The following GPD2 variants were observed in gnomAD, a reference collection of about 807,000 sequenced individuals.
GPD2 encodes glycerol-3-phosphate dehydrogenase, mitochondrial.
GPD2 carries 54 observed loss-of-function variants against 82.4 expected under a neutral mutation model. That is an observed-to-expected ratio of 0.66 (90% CI 0.53 to 0.82). The LOEUF (loss-of-function observed/expected upper bound fraction) is 0.82. Among genes scored for constraint, GPD2 ranks in the 40% least tolerant of loss-of-function variants. The pLI is 0.00. For missense variants in GPD2, 748 were observed against 896.2 expected, an observed-to-expected ratio of 0.83 and a Z score of 2.11; for synonymous variants, 288 against 306.1, an observed-to-expected ratio of 0.94 and a Z score of 0.62.
At chr2:156,530,068 T>C (rs952970453) in intron 6 of GPD2, among the ~76,000 whole-genome samples, 4 of 149,762 alleles carry the variant, frequency 2.7e-5, no homozygotes, top group Middle Eastern at 6.9e-3. Flanking sequence ...TTCCTACCCA[T>C]GAGCATGGAA....
intron 1 of GPD2, among the ~76,000 whole-genome samples, chr2:156,450,665 C>CTTTTTT (rs776070659): frequency 1.4e-5 from 1 of 71,676 alleles, no homozygotes; most frequent in Non-Finnish European, 2.6e-5. Context: ...ATAGACAACT[C>CTTTTTT]TTTTTTTTTT....
At chr2:156,434,950 C>G (rs1558896156), upstream of GPD2, among the ~76,000 whole-genome samples, 1 of 152,184 alleles carries the variant, frequency 6.6e-6, no homozygotes, top group East Asian at 1.9e-4. Flanking sequence ...GCAGATCCCA[C>G]GTCCAGACTG....
chr2:156,451,630 C>G (rs1682590021), intron 1 of GPD2, among the ~76,000 whole-genome samples: 1 of 143,638 alleles, frequency 7.0e-6, no homozygotes, highest in South Asian at 2.2e-4. Context: ...CCTCACTTCC[C>G]AGTAGGGGCG....
At chr2:156,578,662 A>G (rs1687910684) in intron 13 of GPD2, among the ~76,000 whole-genome samples, 1 of 152,212 alleles carries the variant, frequency 6.6e-6, no homozygotes, top group South Asian at 2.1e-4. Flanking sequence ...GCAAATGGAC[A>G]TGAGGAAAGT....
At chr2:156,570,678 T>G (rs1296729072) in intron 12 of GPD2, among the ~76,000 whole-genome samples, 3 of 152,156 alleles carry the variant, frequency 2.0e-5, no homozygotes, top group Admixed American at 1.3e-4. Flanking sequence ...CAGTGAACAT[T>G]TACTTGTTGA....
intron 3 of GPD2, among the ~76,000 whole-genome samples, chr2:156,504,393 T>TAA (rs989613896): frequency 6.8e-6 from 1 of 146,828 alleles, no homozygotes; most frequent in Non-Finnish European, 1.5e-5. Context: ...AACTCACCTT[T>TAA]AAAAAAAAAA....
chr2:156,408,843 A>G, the GPD2 span, among the ~76,000 whole-genome samples: 1 of 152,136 alleles, frequency 6.6e-6, no homozygotes, highest in Non-Finnish European at 1.5e-5. Context: ...TTGCCCAAAA[A>G]TGTGCATGTT....
At position 156,512,230 on chromosome 2, in the gene GPD2, T is replaced by G; in HGVS notation, c.410T>G (p.Val137Gly). Residue 137 changes from valine to glycine, a missense_variant, in exon 5 of 17, where the codon GTA (valine) becomes GGA (glycine). This residue lies in a region of GPD2 where 692 missense variants were observed against 809.7 expected (regional missense o/e 0.85). Transcript: ENST00000438166. ...TGTTTTGCCTTTCAGTATAGGATGGTAAAAGAAGCCCTTCATGAGCGTGCC... is the reference window on the plus strand; with the variant it reads ...TGTTTTGCCTTTCAGTATAGGATGGGAAAAGAAGCCCTTCATGAGCGTGCC... ...MKLDIEQYRM[V>G]KEALHERANL... 6.4e-7 allele frequency: 1 copy of G among 1,568,962 alleles called. No homozygotes were observed. The highest frequency in any genetic ancestry group is 8.8e-7 in the Non-Finnish European group (1 of 1,138,822).
chr2:156,420,356 A>T, the GPD2 span, among the ~76,000 whole-genome samples: 1 of 152,068 alleles, frequency 6.6e-6, no homozygotes, highest in Admixed American at 6.6e-5. Context: ...TATTTTTAGT[A>T]GAGACAGGGT....
rs963317721 is a variant in GPD2, at chr2:156,583,251, A to G, written c.*333A>G. On this transcript the variant is annotated 3_prime_UTR_variant, in exon 17 of 17. Transcript: ENST00000438166. ...ATTCTAAATGAGTTCTAAAAACATA[A>G]TATTTTGGCAAAAATTGAAAAAAGC... is the stretch of plus-strand genomic sequence containing the variant. 15 of 318,196 alleles carry G rather than the reference A, an allele frequency of 4.7e-5. No homozygotes were observed. Among genetic ancestry groups the G allele is most frequent in the Non-Finnish European group, 8.6e-5 (14 of 163,676 alleles). 19.7% of individuals were successfully genotyped at this position (318,196 alleles called of 1,614,324 possible).
intron 2 of GPD2, among the ~76,000 whole-genome samples, chr2:156,484,228 G>A (rs1177271442): frequency 3.3e-5 from 5 of 151,764 alleles, no homozygotes; most frequent in Non-Finnish European, 5.9e-5. Context: ...TCTGCCTCCC[G>A]GGTTCAAGCA....
intron 1 of GPD2, among the ~76,000 whole-genome samples, chr2:156,456,836 C>A (rs1293496951): frequency 4.6e-5 from 7 of 151,792 alleles, no homozygotes; most frequent in African/African-American, 1.7e-4. Context: ...AAGGAGATGG[C>A]GTAGCATGGG....
At chr2:156,541,248 T>C (rs900519330) in intron 6 of GPD2, among the ~76,000 whole-genome samples, 2 of 152,174 alleles carry the variant, frequency 1.3e-5, no homozygotes, top group Non-Finnish European at 2.9e-5. Flanking sequence ...GCTTTGTAAA[T>C]CTTTCTTTAA....
At chr2:156,434,670 T>A (rs1688373611), upstream of GPD2, among the ~76,000 whole-genome samples, 1 of 152,210 alleles carries the variant, frequency 6.6e-6, no homozygotes, top group Non-Finnish European at 1.5e-5. Flanking sequence ...ATTGCTCAAA[T>A]GCTCTGAACT....
the GPD2 span, among the ~76,000 whole-genome samples, chr2:156,401,108 G>C: frequency 6.6e-6 from 1 of 152,296 alleles, no homozygotes; most frequent in South Asian, 2.1e-4. Context: ...TGAGGCTCCT[G>C]TGTATGATAC....
the GPD2 span, among the ~76,000 whole-genome samples, chr2:156,415,231 T>G: frequency 6.8e-6 from 1 of 146,618 alleles, no homozygotes; most frequent in Admixed American, 7.1e-5. Context: ...CGAACTCTGC[T>G]CACTGCAAGC....
the GPD2 span, among the ~76,000 whole-genome samples, chr2:156,403,866 G>C: frequency 6.6e-6 from 1 of 152,154 alleles, no homozygotes; most frequent in Non-Finnish European, 1.5e-5. Flanking sequence ...ACAATGAAAA[G>C]TCCTTGCCGA....
intron 2 of GPD2, among the ~76,000 whole-genome samples, chr2:156,493,926 A>ATGTGTGTGTGTG (rs542950582): frequency 1.4e-3 from 191 of 136,302 alleles, no homozygotes; most frequent in African/African-American, 3.7e-3. Flanking sequence ...ATATATATGT[A>ATGTGTGTGTGTG]TGTGTGTGTG....
At chr2:156,408,970 A>G in the GPD2 span, among the ~76,000 whole-genome samples, 19 of 152,346 alleles carry the variant, frequency 1.2e-4, 2 homozygotes, top group Admixed American at 1.2e-3. Context: ...CCCTAATCCA[A>G]TAGGACTGGT....
Sources: gnomAD v4.1 joint callset for allele counts (sites outside exome capture counted in the v4.1 genomes callset) on GRCh38, gnomAD v4.1.1 for gene constraint, gnomAD v4.1.1 regional missense constraint, MANE v1.5 for transcripts, NCBI Gene and HGNC (gene_info 2026-07-23, HGNC 2026-07-21) for gene names.